The following PRIMA1 variants were observed in gnomAD, a reference collection of about 807,000 sequenced individuals.
PRIMA1 encodes the protein proline-rich membrane anchor 1.
A neutral mutation model predicts 17.5 loss-of-function variants in PRIMA1; 7 were observed. The observed-to-expected ratio is 0.40, with a 90% CI of 0.23 to 0.75. The LOEUF (loss-of-function observed/expected upper bound fraction) is 0.75. PRIMA1 is among the 30% of genes least tolerant of loss of function. The pLI, the probability that PRIMA1 is intolerant of heterozygous loss-of-function variation, is 0.37. For missense variants in PRIMA1, 200 were observed against 201.8 expected, an observed-to-expected ratio of 0.99 and a Z score of 0.05; for synonymous variants, 97 against 77.9, an observed-to-expected ratio of 1.25 and a Z score of -1.29.
intron 4 of PRIMA1, chr14:93,725,979 A>G (rs2076072690): frequency 2.2e-6 from 1 of 456,466 alleles, no homozygotes; most frequent in Admixed American, 2.3e-5. Flanking sequence ...AGAGATGGCC[A>G]CAGAGGGCTC....
intron 3 of PRIMA1, among the ~76,000 whole-genome samples, chr14:93,774,409 G>T (rs1041004604): frequency 3.3e-5 from 5 of 152,166 alleles, no homozygotes; most frequent in Non-Finnish European, 5.9e-5. Flanking sequence ...AAACGTTCCT[G>T]GTCATTACTT....
chr14:93,742,274 A>G (rs571942265), intron 3 of PRIMA1, among the ~76,000 whole-genome samples: 1 of 152,274 alleles, frequency 6.6e-6, no homozygotes, highest in East Asian at 1.9e-4. Flanking sequence ...AGTTTCCAAA[A>G]CAGTAGTGCA....
At chr14:93,745,780 A>G (rs1595201549) in intron 3 of PRIMA1, among the ~76,000 whole-genome samples, 1 of 152,356 alleles carries the variant, frequency 6.6e-6, no homozygotes, top group African/African-American at 2.4e-5. Context: ...AGTTCAGCAC[A>G]GTGGTTATCC....
intron 4 of PRIMA1, among the ~76,000 whole-genome samples, chr14:93,734,671 G>GAAGAAGCCCCGCCCACACCACAT (rs1189196321): frequency 5.3e-5 from 8 of 152,076 alleles, no homozygotes; most frequent in African/African-American, 1.9e-4. Context: ...CACACCCCTG[G>GAAGAAGCCCCGCCCACACCACAT]AAGAAGCCCC....
At chr14:93,778,911 C>A (rs1885300104) in intron 3 of PRIMA1, among the ~76,000 whole-genome samples, 1 of 151,892 alleles carries the variant, frequency 6.6e-6, no homozygotes, top group African/African-American at 2.4e-5. Flanking sequence ...GCCTTCGGAA[C>A]TATCCAGGCC....
chr14:93,788,848 C>T (rs1243227248), upstream of PRIMA1, among the ~76,000 whole-genome samples: 1 of 151,978 alleles, frequency 6.6e-6, no homozygotes, highest in African/African-American at 2.4e-5. Flanking sequence ...CGCGCGAGCC[C>T]TCCCCGGGCC....
intron 3 of PRIMA1, among the ~76,000 whole-genome samples, chr14:93,746,742 AG>A (rs1341182715): frequency 1.3e-5 from 2 of 152,148 alleles, no homozygotes. Context: ...GCTCAGACTC[AG>A]GGTTCTCCGC....
intron 2 of PRIMA1, among the ~76,000 whole-genome samples, chr14:93,781,344 G>A (rs1411665032): frequency 1.2e-4 from 18 of 152,342 alleles, no homozygotes; most frequent in Middle Eastern, 3.4e-3. Context: ...CGTTGGGCCT[G>A]TGCCCCTCTA....
intron 3 of PRIMA1, among the ~76,000 whole-genome samples, chr14:93,752,470 G>A (rs562414192): frequency 2.0e-5 from 3 of 152,258 alleles, no homozygotes; most frequent in South Asian, 4.2e-4. Context: ...GGCTTGTTGA[G>A]TGGAACACCT....
At chr14:93,754,571 T>C (rs1248659400) in intron 3 of PRIMA1, among the ~76,000 whole-genome samples, 6 of 152,244 alleles carry the variant, frequency 3.9e-5, no homozygotes, top group Admixed American at 6.5e-5. Flanking sequence ...AGGGCAAAGC[T>C]GGCCACACCC....
chr14:93,775,501 GT>G (rs1885189547), intron 3 of PRIMA1, among the ~76,000 whole-genome samples: 1 of 152,054 alleles, frequency 6.6e-6, no homozygotes, highest in African/African-American at 2.4e-5. Flanking sequence ...GTTTTTTGCT[GT>G]TGTTGTTGTT....
At chr14:93,768,812 T>G (rs1340457312) in intron 3 of PRIMA1, among the ~76,000 whole-genome samples, 3 of 138,258 alleles carry the variant, frequency 2.2e-5, no homozygotes, top group African/African-American at 1.0e-4. Flanking sequence ...TTTTTTTCTT[T>G]TTTTTTTTTT....
At chr14:93,768,139 G>A (rs748351792) in intron 3 of PRIMA1, among the ~76,000 whole-genome samples, 19 of 151,992 alleles carry the variant, frequency 1.3e-4, no homozygotes, top group Non-Finnish European at 2.6e-4. Context: ...AGCATATGCC[G>A]GGCCTGGATG....
chr14:93,753,582 G>A (rs990748760), intron 3 of PRIMA1, among the ~76,000 whole-genome samples: 1 of 152,128 alleles, frequency 6.6e-6, no homozygotes, highest in Non-Finnish European at 1.5e-5. Context: ...ATTTTTCTCT[G>A]GTGGAAGCAG....
chr14:93,770,940 A>G (rs1383038735), intron 3 of PRIMA1, among the ~76,000 whole-genome samples: 1 of 152,252 alleles, frequency 6.6e-6, no homozygotes, highest in Non-Finnish European at 1.5e-5. Context: ...CCCAGCAGAC[A>G]CTGGACAACT....
chr14:93,748,257 A>G (rs1284252819), intron 3 of PRIMA1, among the ~76,000 whole-genome samples: 4 of 151,656 alleles, frequency 2.6e-5, no homozygotes, highest in Non-Finnish European at 5.9e-5. Flanking sequence ...AGGGGCCCAC[A>G]GGGAGCAAGG....
intron 3 of PRIMA1, among the ~76,000 whole-genome samples, chr14:93,743,790 G>A (rs191294272): frequency 1.3e-5 from 2 of 152,234 alleles, no homozygotes; most frequent in South Asian, 2.1e-4. Flanking sequence ...GGTCCTCAGC[G>A]TGTGCAGGGG....
At chr14:93,768,023 C>A (rs1263306365) in intron 3 of PRIMA1, among the ~76,000 whole-genome samples, 1 of 152,068 alleles carries the variant, frequency 6.6e-6, no homozygotes, top group Non-Finnish European at 1.5e-5. Context: ...ATACTGAAGA[C>A]CTTTTACATT....
chr14:93,729,987 A>G (rs1196910105), intron 4 of PRIMA1, among the ~76,000 whole-genome samples: 1 of 152,170 alleles, frequency 6.6e-6, no homozygotes, highest in Non-Finnish European at 1.5e-5. Flanking sequence ...AATTTGGTGC[A>G]TGTTATTTAC....
Sources: allele counts gnomAD v4.1 joint callset (sites outside exome capture counted in the v4.1 genomes callset), GRCh38; gene constraint gnomAD v4.1.1; transcripts MANE v1.5; gene names NCBI Gene and HGNC (gene_info 2026-07-23, HGNC 2026-07-21).